Variants in NBEA observed in about 807,000 individuals in gnomAD.
NBEA encodes the protein lysosomal-trafficking regulator 2.
Under a neutral mutation model 343.4 loss-of-function variants are expected in NBEA, and 44 were observed. That is an observed-to-expected ratio of 0.13 (90% CI 0.10 to 0.16). The LOEUF is 0.16. NBEA is among the 10% of genes least tolerant of loss of function. NBEA has a pLI of 1.00. For synonymous variants in NBEA, 1,175 were observed against 1,238.7 expected, an observed-to-expected ratio of 0.95 and a Z score of 1.08; for missense variants, 2,555 against 3,631.3, an observed-to-expected ratio of 0.70 and a Z score of 7.62.
intron 31 of NBEA, among the ~76,000 whole-genome samples, chr13:35,199,533 G>T (rs1251522309): frequency 6.6e-6 from 1 of 152,168 alleles, no homozygotes; most frequent in Non-Finnish European, 1.5e-5. Flanking sequence ...TAGAATTCAT[G>T]TAGGATTTTA....
At chr13:35,611,694 CTTT>C (rs1184435377) in intron 48 of NBEA, among the ~76,000 whole-genome samples, 1 of 152,118 alleles carries the variant, frequency 6.6e-6, no homozygotes, top group Non-Finnish European at 1.5e-5. Context: ...AGTTTGACTT[CTTT>C]GAGTAGTTTT....
At chr13:35,611,777 G>A (rs1039518189) in intron 48 of NBEA, among the ~76,000 whole-genome samples, 6 of 152,210 alleles carry the variant, frequency 3.9e-5, no homozygotes, top group African/African-American at 7.2e-5. Context: ...ACCACATTGT[G>A]TGGAATATCA....
chr13:35,010,364 G>T (rs2061440896), intron 1 of NBEA, among the ~76,000 whole-genome samples: 1 of 151,894 alleles, frequency 6.6e-6, no homozygotes, highest in African/African-American at 2.4e-5. Flanking sequence ...ATCACATGAG[G>T]CTAGGAGTTT....
In NBEA at chr13:35,531,642, A is replaced by G. The variant is rs139666839; in HGVS notation, c.6586-18835A>G. Among the ~76,000 whole-genome samples, 5 of 152,328 alleles carry G rather than the reference A, an allele frequency of 3.3e-5. No homozygotes were observed. In the East Asian group the frequency reaches 9.7e-4, roughly 29 times the overall value. On this transcript the variant is annotated intron_variant, in intron 41 of 58. Coordinates refer to ENST00000379939, the MANE Select transcript of NBEA (RefSeq NM_001385012.1). ...GTTTAAATTGGGATGGGCAACTGTC[A>G]TCTGGAGTATTACTGAGAGAAAAGT...
chr13:34,991,252 A>G (rs777752712), intron 1 of NBEA, among the ~76,000 whole-genome samples: 5 of 152,122 alleles, frequency 3.3e-5, no homozygotes, highest in Non-Finnish European at 7.4e-5. Context: ...TCCAGTGCCA[A>G]TTTTCTGTAT....
At chr13:35,342,261 C>A (rs986952579) in intron 36 of NBEA, among the ~76,000 whole-genome samples, 6 of 152,022 alleles carry the variant, frequency 3.9e-5, no homozygotes, top group Non-Finnish European at 8.8e-5. Flanking sequence ...TAAAAAGGAT[C>A]TAGACTTATA....
chr13:35,276,006 A>C (rs190159071), intron 34 of NBEA, among the ~76,000 whole-genome samples: 46 of 148,554 alleles, frequency 3.1e-4, no homozygotes, highest in Admixed American at 1.0e-3. Context: ...ATAATAATTT[A>C]AAAAAAGAAG....
chr13:35,475,173 C>T (rs1315099268), intron 41 of NBEA: 1 of 1,613,926 alleles, frequency 6.2e-7, no homozygotes, highest in South Asian at 1.1e-5. Context: ...GATCTAAGTT[C>T]GGTAGAAAGT....
chr13:35,114,946 C>T (rs76376246), intron 13 of NBEA, among the ~76,000 whole-genome samples: 8 of 152,214 alleles, frequency 5.3e-5, no homozygotes, highest in African/African-American at 1.2e-4. Context: ...ACTACACTAG[C>T]TTTCGTAGAA....
chr13:35,301,457 C>T (rs949542159), intron 35 of NBEA, among the ~76,000 whole-genome samples: 4 of 151,902 alleles, frequency 2.6e-5, no homozygotes, highest in Admixed American at 2.0e-4. Flanking sequence ...TCTGTTTCTG[C>T]GTTAGTTTGC....
chr13:35,164,656 T>A (rs1364347044), intron 24 of NBEA, 147 bp downstream of exon 24: 1 of 871,474 alleles, frequency 1.1e-6, no homozygotes, highest in Non-Finnish European at 1.8e-6. Context: ...TTTCCACCAC[T>A]TTTGTTTATC....
chr13:35,312,302 C>A (rs2037421838), intron 36 of NBEA, among the ~76,000 whole-genome samples: 1 of 151,970 alleles, frequency 6.6e-6, no homozygotes, highest in Admixed American at 6.6e-5. Flanking sequence ...AGTACTTACC[C>A]AAAGGAATGC....
chr13:35,285,141 A>G (rs955087449), intron 34 of NBEA, among the ~76,000 whole-genome samples: 1 of 152,118 alleles, frequency 6.6e-6, no homozygotes, highest in Non-Finnish European at 1.5e-5. Context: ...TTTAAAAGTT[A>G]AGAATAGGCT....
chr13:35,402,866 T>A (rs148260043), intron 38 of NBEA, among the ~76,000 whole-genome samples: 1 of 152,100 alleles, frequency 6.6e-6, no homozygotes, highest in East Asian at 1.9e-4. Flanking sequence ...TAATTTACTA[T>A]GTTGTATTTT....
At chr13:35,661,991 C>T (rs1249863473) in intron 55 of NBEA, among the ~76,000 whole-genome samples, 1 of 152,144 alleles carries the variant, frequency 6.6e-6, no homozygotes, top group East Asian at 1.9e-4. Context: ...CCCTGCATAT[C>T]AGTGTCCCAC....
At chr13:35,182,889 C>T (rs532011050) in intron 29 of NBEA, among the ~76,000 whole-genome samples, 1 of 151,880 alleles carries the variant, frequency 6.6e-6, no homozygotes, top group East Asian at 1.9e-4. Context: ...TTGTTCAATG[C>T]CAAGGGTAAG....
chr13:35,610,642 T>G (rs1487759692), intron 48 of NBEA, among the ~76,000 whole-genome samples: 4 of 152,146 alleles, frequency 2.6e-5, no homozygotes, highest in Non-Finnish European at 2.9e-5. Flanking sequence ...GACTTTATGT[T>G]AGCAAAGATG....
At chr13:35,162,053 A>G in intron 23 of NBEA, 86 bp downstream of exon 23, 1 of 1,103,554 alleles carries the variant, frequency 9.1e-7, no homozygotes, top group Non-Finnish European at 1.3e-6. Context: ...AAAACCAAAA[A>G]TCTGCCTTGA....
chr13:35,013,310 C>T (rs1169673616), intron 1 of NBEA, among the ~76,000 whole-genome samples: 1 of 151,914 alleles, frequency 6.6e-6, no homozygotes, highest in Non-Finnish European at 1.5e-5. Flanking sequence ...TGTTTTCCCT[C>T]TGATTGTAAA....
Sources: allele counts gnomAD v4.1 joint callset (sites outside exome capture counted in the v4.1 genomes callset), GRCh38; gene constraint gnomAD v4.1.1; transcripts MANE v1.5; gene names NCBI Gene and HGNC (gene_info 2026-07-23, HGNC 2026-07-21).